ROBO2: variants seen among roughly 807,000 people sequenced by gnomAD.
ROBO2 encodes the protein roundabout guidance receptor 2.
A neutral mutation model predicts 160.8 loss-of-function variants in ROBO2; 53 were observed. That is an observed-to-expected ratio of 0.33 (90% CI 0.26 to 0.41). The LOEUF is 0.41. Among genes scored for constraint, ROBO2 ranks in the 10% least tolerant of loss-of-function variants. The pLI is 1.00. For synonymous variants in ROBO2, 664 were observed against 611.7 expected (o/e 1.09, Z -1.26); for missense variants, 1,577 against 1,722.4 (o/e 0.92, Z 1.49).
intron 2 of ROBO2, among the ~76,000 whole-genome samples, chr3:77,211,189 G>C (rs184725504): frequency 0.2 from 30,174 of 152,096 alleles, 3,385 homozygotes; most frequent in Middle Eastern, 0.32. Context: ...GGTTGAACTA[G>C]TTTACAGTCC....
intron 2 of ROBO2, among the ~76,000 whole-genome samples, chr3:76,081,131 T>C (rs2068813700): frequency 6.7e-6 from 1 of 149,568 alleles, no homozygotes; most frequent in Non-Finnish European, 1.5e-5. Flanking sequence ...ATTAGTGTTT[T>C]ATAGTTTTTT....
chr3:77,248,806 T>A (rs377450485), intron 2 of ROBO2, among the ~76,000 whole-genome samples: 2 of 147,554 alleles, frequency 1.4e-5, no homozygotes, highest in African/African-American at 5.0e-5. Context: ...GAAGGAAGAA[T>A]TCGTAAAATA....
chr3:77,365,689 C>T (rs1196053121), intron 2 of ROBO2, among the ~76,000 whole-genome samples: 1 of 152,172 alleles, frequency 6.6e-6, no homozygotes, highest in Non-Finnish European at 1.5e-5. Flanking sequence ...AAACCGTTCA[C>T]ATAGCTGGTA....
At chr3:76,353,170 C>T (rs1411615069) in intron 2 of ROBO2, among the ~76,000 whole-genome samples, 3 of 151,956 alleles carry the variant, frequency 2.0e-5, no homozygotes, top group African/African-American at 7.2e-5. Context: ...ATCCCTGTTT[C>T]ACGCAGATGA....
intron 2 of ROBO2, among the ~76,000 whole-genome samples, chr3:77,302,781 C>G (rs897728673): frequency 6.6e-6 from 1 of 152,076 alleles, no homozygotes; most frequent in African/African-American, 2.4e-5. Flanking sequence ...TGGAAGGCAA[C>G]AACAGCAGCT....
Position 77,602,316 on chromosome 3 carries a change from T to C in ROBO2, c.2961T>C (p.Ser987=), listed in dbSNP as rs200717956. Reference sequence around the variant, plus strand: ...TCACTACCAAAACCAGTTACAACAGTTCCAGCCAAATAACACAGGCTACCC... The same window carrying C: ...TCACTACCAAAACCAGTTACAACAGCTCCAGCCAAATAACACAGGCTACCC... The change falls in exon 20 of 26, where the codon AGT becomes AGC. Residue 987 remains serine (S), a synonymous_variant. Transcript: ENST00000461745. The C allele has an allele frequency of 2.0e-4, 322 of 1,614,016 alleles. 1 individual carries two copies. The highest frequency in any genetic ancestry group is 2.6e-4 in the Non-Finnish European group (301 of 1,180,026).
chr3:77,123,408 C>G (rs2074978722), intron 2 of ROBO2, among the ~76,000 whole-genome samples: 3 of 151,972 alleles, frequency 2.0e-5, no homozygotes, highest in Non-Finnish European at 4.4e-5. Context: ...ATTGCTTTTA[C>G]AAAGGTGCAA....
At chr3:77,622,759 T>A (rs2094928463) in intron 23 of ROBO2, among the ~76,000 whole-genome samples, 2 of 152,198 alleles carry the variant, frequency 1.3e-5, no homozygotes, top group African/African-American at 4.8e-5. Context: ...ATGATCTTTT[T>A]TATATATATC....
At chr3:77,298,198 G>T (rs763971054) in intron 2 of ROBO2, among the ~76,000 whole-genome samples, 1 of 152,124 alleles carries the variant, frequency 6.6e-6, no homozygotes, top group Non-Finnish European at 1.5e-5. Context: ...ATATTCACAC[G>T]AAGTCTGAAA....
chr3:76,194,348 GTGTAAATATATA>G (rs1157401991), intron 2 of ROBO2, among the ~76,000 whole-genome samples: 7 of 45,746 alleles, frequency 1.5e-4, no homozygotes, highest in African/African-American at 3.2e-4. Context: ...TATGTATGGT[GTGTAAATATATA>G]TATATATATA....
At chr3:76,078,741 G>GA (rs79438038) in intron 2 of ROBO2, among the ~76,000 whole-genome samples, 21 of 151,084 alleles carry the variant, frequency 1.4e-4, no homozygotes, top group Non-Finnish European at 2.7e-4. Context: ...TTAAAAATTA[G>GA]AAAAAAAAAG....
intron 2 of ROBO2, among the ~76,000 whole-genome samples, chr3:76,030,631 C>G (rs1466011462): frequency 6.6e-6 from 1 of 152,210 alleles, no homozygotes; most frequent in Non-Finnish European, 1.5e-5. Context: ...GAAATCCTTT[C>G]CCCATTTCTT....
chr3:76,649,492 A>C (rs2091151585), intron 2 of ROBO2, among the ~76,000 whole-genome samples: 1 of 152,020 alleles, frequency 6.6e-6, no homozygotes, highest in African/African-American at 2.4e-5. Context: ...TCACATTCCT[A>C]AAACAATTAA....
At chr3:77,632,428 G>A (rs2095182370) in intron 23 of ROBO2, 1 of 1,415,016 alleles carries the variant, frequency 7.1e-7, no homozygotes, top group Non-Finnish European at 9.4e-7. Context: ...AAGCAGATGA[G>A]ATTTTCAATA....
At chr3:77,502,489 A>G (rs1277650509) in intron 5 of ROBO2, among the ~76,000 whole-genome samples, 2 of 152,132 alleles carry the variant, frequency 1.3e-5, no homozygotes, top group African/African-American at 4.8e-5. Context: ...GAATGTTTTA[A>G]CTTGTATTCT....
intron 2 of ROBO2, among the ~76,000 whole-genome samples, chr3:76,666,776 T>A (rs1160108668): frequency 1.3e-5 from 2 of 152,134 alleles, no homozygotes. Flanking sequence ...TATCAGCACA[T>A]AAGCACCTTT....
intron 9 of ROBO2, among the ~76,000 whole-genome samples, chr3:77,559,377 C>T (rs2093245165): frequency 6.6e-6 from 1 of 152,046 alleles, no homozygotes; most frequent in Non-Finnish European, 1.5e-5. Flanking sequence ...TAAGTCCCTT[C>T]CTCCTACCTG....
At chr3:77,546,544 C>T (rs1582860290) in intron 7 of ROBO2, 82 bp downstream of exon 8, 1 of 1,526,098 alleles carries the variant, frequency 6.6e-7, no homozygotes, top group East Asian at 2.3e-5. Context: ...CCTTGCTTCT[C>T]TTGTTCTCAA....
At chr3:76,042,411 TGTTTAAA>T (rs2107770353) in intron 2 of ROBO2, among the ~76,000 whole-genome samples, 1 of 152,160 alleles carries the variant, frequency 6.6e-6, no homozygotes, top group South Asian at 2.1e-4. Flanking sequence ...AAAATGTATT[TGTTTAAA>T]GACTATGTGA....
Sources: allele counts gnomAD v4.1 joint callset (sites outside exome capture counted in the v4.1 genomes callset), GRCh38; gene constraint gnomAD v4.1.1; transcripts MANE v1.5; gene names NCBI Gene and HGNC (gene_info 2026-07-23, HGNC 2026-07-21).